SLC12A5: variants seen among roughly 807,000 people sequenced by gnomAD.
The protein encoded by SLC12A5 is K-Cl cotransporter 2.
A neutral mutation model predicts 124.0 loss-of-function variants in SLC12A5; 18 were observed. That is an observed-to-expected ratio of 0.15 (90% CI 0.10 to 0.22). The LOEUF (loss-of-function observed/expected upper bound fraction) is 0.22, where lower values mean the gene tolerates loss of function less well. Ranked by LOEUF, SLC12A5 falls within the 10% of genes least tolerant of loss-of-function variation. SLC12A5 has a pLI of 1.00. For missense variants in SLC12A5, 867 were observed against 1,478.7 expected, an observed-to-expected ratio of 0.59 and a Z score of 6.78; for synonymous variants, 589 against 568.0, an observed-to-expected ratio of 1.04 and a Z score of -0.53.
Position 46,029,413 on chromosome 20 carries a change from G to A in SLC12A5, c.52+17G>A, listed in dbSNP as rs1486164010. On this transcript the variant is annotated intron_variant, in intron 1 of 25. Transcript: ENST00000243964. Reference sequence around the variant, plus strand: ...CCAACCCGGGTAAGCTGTGGTCCGGGGGCGGCGGGGGAGGGGGCAGCGAGG... The same window carrying A: ...CCAACCCGGGTAAGCTGTGGTCCGGAGGCGGCGGGGGAGGGGGCAGCGAGG... 6.7e-7 allele frequency: 1 copy of A among 1,489,652 alleles called. No homozygotes were observed. The highest frequency in any genetic ancestry group is 9.1e-7 in the Non-Finnish European group (1 of 1,094,398). 92.3% of individuals were successfully genotyped at this position (1,489,652 alleles called of 1,614,324 possible).
intron 1 of SLC12A5, chr20:46,022,575 G>A (rs992448110): frequency 1.7e-4 from 62 of 354,544 alleles, no homozygotes; most frequent in African/African-American, 1.3e-3. Context: ...CGGGAGGCAG[G>A]GAAGTTAGTA....
chr20:46,024,680 C>T (rs1179018743), upstream of SLC12A5, among the ~76,000 whole-genome samples: 1 of 152,168 alleles, frequency 6.6e-6, no homozygotes, highest in Non-Finnish European at 1.5e-5. Flanking sequence ...GAGGATGAGC[C>T]ATAGGTGAGA....
Position 46,043,185 on chromosome 20 carries a change from G to A in SLC12A5, c.1099G>A (p.Val367Met), listed in dbSNP as rs778801242. The stretch of plus-strand genomic sequence containing the variant: ...CTGGAGCTCCTACCTGACCAAGGGC[G>A]TGATTGTGGAGAGGAGTGGGATGAC... The part of the protein sequence containing the change: ...NLWSSYLTKG[V>M]IVERSGMTSV... Residue 367 changes from valine (V) to methionine (M), a missense_variant, in exon 9 of 26, where the codon GTG (valine) becomes ATG (methionine). Physicochemically the swap from Val to Met is conservative, Grantham distance 21. This residue lies in a region of SLC12A5 where 127 missense variants were observed against 164.1 expected (regional missense o/e 0.77). Transcript: ENST00000243964. 2.6e-5 allele frequency: 42 copies of A among 1,613,792 alleles called. No individual in the cohort carries two copies. The highest frequency in any genetic ancestry group is 1.6e-4 in the Middle Eastern group (1 of 6,084).
rs779326395 is a variant in SLC12A5, at chr20:46,059,594, C to A, written c.*1989C>A. ...GGGAACCAAAGTTGCACTATCTGGG[C>A]CCAGATTGTCTGGTTGGCAAGAGCA... On this transcript the variant is annotated 3_prime_UTR_variant, in exon 26 of 26. Coordinates refer to ENST00000243964, the MANE Select transcript of SLC12A5 (RefSeq NM_020708.5). 1.8e-4 allele frequency: 72 copies of A among 399,044 alleles called. No homozygotes were observed. The highest frequency in any genetic ancestry group is 1.2e-3 in the Admixed American group (27 of 22,734). 24.7% of individuals were successfully genotyped at this position (399,044 alleles called of 1,614,324 possible).
rs1001389325 is a variant in SLC12A5, at chr20:46,051,876, G to A, written c.2377+6G>A. 1 of 1,478,220 alleles carries A rather than the reference G, an allele frequency of 6.8e-7. No homozygotes were observed. Among genetic ancestry groups the A allele is most frequent in the Admixed American group, 2.2e-5 (1 of 45,626 alleles). The allele number at this position is 1,478,220 out of a possible 1,614,324, so 91.6% of individuals were successfully genotyped here. The stretch of plus-strand genomic sequence containing the variant: ...GACGTGGAGGAACTTCATTGGTAAC[G>A]CTATTGGGGGCTGGGGACAGAAGAG... On this transcript the variant is annotated splice_donor_region_variant and intron_variant, in intron 18 of 25. Coordinates refer to ENST00000243964, the MANE Select transcript of SLC12A5 (RefSeq NM_020708.5).
upstream of SLC12A5, among the ~76,000 whole-genome samples, chr20:46,025,586 G>T (rs1222609168): frequency 1.3e-5 from 2 of 152,148 alleles, no homozygotes; most frequent in Admixed American, 1.3e-4. Context: ...GGTCCGGATT[G>T]GGAAAGAGGG....
chr20:46,037,441 T>A, intron 6 of SLC12A5, 56 bp downstream of exon 6: 1 of 1,553,036 alleles, frequency 6.4e-7, no homozygotes, highest in Non-Finnish European at 8.7e-7. Flanking sequence ...AGTTAATCAG[T>A]GCTCCCTGGA....
intron 14 of SLC12A5, among the ~76,000 whole-genome samples, chr20:46,047,075 C>A (rs1427930746): frequency 1.3e-5 from 2 of 152,228 alleles, no homozygotes; most frequent in Non-Finnish European, 2.9e-5. Context: ...ACCAGGGCTG[C>A]CCACTCCTGT....
rs539986367 is a variant in SLC12A5, at chr20:46,057,076, C to G, written c.3126-94C>G. ...TGGTCCTAGGCTTGCAAGAACCAGT[C>G]CCCAGCAGCCCAGTTCGGGCTGGAA... On this transcript the variant is annotated intron_variant, in intron 24 of 25. Coordinates refer to ENST00000243964, the MANE Select transcript of SLC12A5 (RefSeq NM_020708.5). The surrounding 1 kb of genome is among the most constrained non-coding windows in gnomAD (Gnocchi z 7.1). 12 of 1,597,206 alleles carry G rather than the reference C, an allele frequency of 7.5e-6. No individual in the cohort carries two copies. Among genetic ancestry groups the G allele is most frequent in the African/African-American group, 1.3e-5 (1 of 74,474 alleles).
rs938643912 is a variant in SLC12A5 at position 46,059,431 on chromosome 20, G to T, written c.*1826G>T. On this transcript the variant is annotated 3_prime_UTR_variant, in exon 26 of 26. Coordinates refer to ENST00000243964, the MANE Select transcript of SLC12A5 (RefSeq NM_020708.5). ...CAGGTACTCAATCAGGAAGCTGGAG[G>T]TGTTAGACACCAGCCCCCTGCATCC... is the stretch of plus-strand genomic sequence containing the variant. 2.5e-6 allele frequency: 1 copy of T among 397,418 alleles called. No individual in the cohort carries two copies. The highest frequency in any genetic ancestry group is 2.1e-5 in the African/African-American group (1 of 48,746). The allele number at this position is 397,418 out of a possible 1,614,324, so 24.6% of individuals were successfully genotyped here. A position where few individuals can be genotyped will look rare whatever the true frequency, so the allele number is the denominator to read the frequency against.
At chr20:46,022,968 GGAGGAGGAAGAGGAGGAGGAGGAA>G (rs2084368111) in exon 2 of SLC12A5, 36 of 385,242 alleles carry the variant, frequency 9.3e-5, no homozygotes, top group South Asian at 4.0e-4. Flanking sequence ...AGGAGGAGGA[GGAGGAGGAAGAGGAGGAGGAGGAA>G]GAGGAGGAGG....
intron 6 of SLC12A5, among the ~76,000 whole-genome samples, chr20:46,040,064 C>A (rs1600594258): frequency 6.6e-6 from 1 of 152,306 alleles, no homozygotes; most frequent in Middle Eastern, 3.4e-3. Context: ...GATGGGGTCA[C>A]ATTATGTTGC....
At chr20:46,051,429 G>A (rs1321466900) in intron 17 of SLC12A5, among the ~76,000 whole-genome samples, 3 of 152,122 alleles carry the variant, frequency 2.0e-5, no homozygotes, top group Non-Finnish European at 2.9e-5. Context: ...GGCTGTATGA[G>A]CAGTGGGAGG....
Position 46,057,831 on chromosome 20 carries a change from C to T in SLC12A5, c.*226C>T, listed in dbSNP as rs2084711356. The T allele has an allele frequency of 1.9e-5, 9 of 477,968 alleles. No homozygotes were observed. The highest frequency in any genetic ancestry group is 2.9e-5 in the Non-Finnish European group (8 of 273,216). The allele number at this position is 477,968 out of a possible 1,614,324, so 29.6% of individuals were successfully genotyped here. ...CTCAGTGCCAGTTTGGCCCCTGGGT[C>T]TTCGCTGCCCTTTTTCTAAGCCCGG... On this transcript the variant is annotated 3_prime_UTR_variant, in exon 26 of 26. Transcript: ENST00000243964. The surrounding 1 kb of genome is among the most constrained non-coding windows in gnomAD (Gnocchi z 7.1).
intron 13 of SLC12A5, 109 bp from the exon 14 acceptor site, chr20:46,046,229 C>A: frequency 9.7e-7 from 1 of 1,028,646 alleles, no homozygotes; most frequent in Non-Finnish European, 1.5e-6. Flanking sequence ...CATGATCTGG[C>A]CACCTCCTGA....
intron 16 of SLC12A5, 136 bp downstream of exon 16, chr20:46,048,221 T>C (rs2084615598): frequency 1.5e-6 from 1 of 685,240 alleles, no homozygotes; most frequent in Non-Finnish European, 2.4e-6. Context: ...AAGCCCAGCC[T>C]TGTCTGATTC....
Position 46,045,606 on chromosome 20 carries a change from C to T in SLC12A5, c.1570-272C>T, listed in dbSNP as rs1213771372. On this transcript the variant is annotated intron_variant, in intron 12 of 25. Coordinates refer to ENST00000243964, the MANE Select transcript of SLC12A5 (RefSeq NM_020708.5). The surrounding 1 kb of genome is among the most constrained non-coding windows in gnomAD (Gnocchi z 4.9). ...TCGTGGTGGCTTGCTGGCTTCCTGA[C>T]AGCTCCTCTCCCATCTGGTCCTCTG... Among the ~76,000 whole-genome samples, 2 of 152,084 alleles carry T rather than the reference C, an allele frequency of 1.3e-5. No homozygotes were observed. The highest frequency in any genetic ancestry group is 2.9e-5 in the Non-Finnish European group (2 of 68,002).
intron 21 of SLC12A5, 154 bp from the exon 22 acceptor site, chr20:46,055,996 G>A (rs1422439797): frequency 2.9e-6 from 3 of 1,037,594 alleles, no homozygotes; most frequent in South Asian, 1.6e-5. Flanking sequence ...CAGTGGTGCA[G>A]TAGCTATTTG....
intron 1 of SLC12A5, chr20:46,022,083 G>A (rs1416024450): frequency 6.2e-6 from 4 of 647,390 alleles, no homozygotes; most frequent in African/African-American, 1.9e-5. Flanking sequence ...TGGAGGGGGA[G>A]GGGCCAAACG....
Sources: allele counts gnomAD v4.1 joint callset (sites outside exome capture counted in the v4.1 genomes callset), GRCh38; gene constraint gnomAD v4.1.1; regional missense constraint gnomAD v4.1.1; non-coding constraint Gnocchi (gnomAD v3.1); transcripts MANE v1.5; gene names NCBI Gene and HGNC (gene_info 2026-07-23, HGNC 2026-07-21).